The following DIABLO variants were observed in gnomAD, a reference collection of about 807,000 sequenced individuals.
DIABLO encodes the protein diablo IAP-binding mitochondrial protein.
In DIABLO, 32 loss-of-function variants were observed where a neutral mutation model predicts 31.7. The ratio of observed to expected loss-of-function variants is 1.01; its 90% confidence interval spans 0.76 to 1.35. DIABLO has a LOEUF of 1.35. DIABLO is among the 40% of genes most tolerant of loss of function. DIABLO has a pLI of 0.00. For missense variants in DIABLO, 316 were observed against 286.4 expected (o/e 1.10, Z -0.75); for synonymous variants, 132 against 103.2 (o/e 1.28, Z -1.69).
chr12:122,225,322 G>A (rs1457527706), intron 1 of DIABLO: 30 of 839,236 alleles, frequency 3.6e-5, no homozygotes, highest in Admixed American at 5.4e-5. Context: ...GGGAGGCACA[G>A]GTTGCAGTGA....
intron 5 of DIABLO, among the ~76,000 whole-genome samples, chr12:122,211,255 A>C (rs1954083156): frequency 6.6e-6 from 1 of 151,844 alleles, no homozygotes; most frequent in Admixed American, 6.6e-5. Context: ...AAAAAAGATT[A>C]ATCGGGCGTG....
Position 122,217,954 on chromosome 12 carries a change from G to A in DIABLO, c.315+312C>T, listed in dbSNP as rs578107507. On this transcript the variant is annotated intron_variant, in intron 3 of 5. Transcript: ENST00000464942. ...AGCTTCACTCCTGTTTTATATACTA[G>A]GCTGCCACATTTAAGATTTTTCTGT... Among the ~76,000 whole-genome samples the A allele has an allele frequency of 2.3e-3, 352 of 149,952 alleles. 1 individual carries two copies. Among genetic ancestry groups the A allele is most frequent in the African/African-American group, 8.2e-3 (331 of 40,398 alleles).
intron 2 of DIABLO, among the ~76,000 whole-genome samples, chr12:122,223,275 A>C (rs1954373713): frequency 6.6e-6 from 1 of 151,588 alleles, no homozygotes; most frequent in Non-Finnish European, 1.5e-5. Context: ...TCTCTACTAA[A>C]AATACAAAAA....
upstream of DIABLO, chr12:122,226,711 C>T: frequency 1.7e-6 from 1 of 581,828 alleles, no homozygotes; most frequent in Non-Finnish European, 3.0e-6. Flanking sequence ...CAACAGCCTC[C>T]TGGACGCTCG....
At chr12:122,214,373 T>C (rs1954158567) in intron 5 of DIABLO, among the ~76,000 whole-genome samples, 1 of 152,086 alleles carries the variant, frequency 6.6e-6, no homozygotes, top group Non-Finnish European at 1.5e-5. Context: ...GATTTGATGA[T>C]TGAGAACCCT....
At chr12:122,218,700 G>C (rs1025593460) in intron 2 of DIABLO, 1 of 367,682 alleles carries the variant, frequency 2.7e-6, no homozygotes, top group African/African-American at 2.1e-5. Flanking sequence ...CCAGCACTTT[G>C]GGAGGCTGAG....
chr12:122,212,258 A>G (rs1330927504), intron 5 of DIABLO, among the ~76,000 whole-genome samples: 5 of 152,166 alleles, frequency 3.3e-5, no homozygotes, highest in African/African-American at 1.2e-4. Flanking sequence ...TCTAATGTCA[A>G]TGTGCTTAGC....
At chr12:122,226,186 G>C, upstream of DIABLO, 1 of 1,047,960 alleles carries the variant, frequency 9.5e-7, no homozygotes, top group Non-Finnish European at 1.4e-6. Flanking sequence ...TAGGGCAAAG[G>C]CTGTAACGGC....
intron 5 of DIABLO, chr12:122,209,919 C>G (rs781592737): frequency 1.4e-5 from 9 of 651,490 alleles, no homozygotes; most frequent in Admixed American, 2.4e-5. Flanking sequence ...AAAATTATCT[C>G]TTCATAATTG....
rs115613666 is a variant in DIABLO, at chr12:122,209,295, G to A, written c.524-718C>T. ...GGAGAATAGCTTGGACCCGGGAGGC[G>A]AAGGCTGAAGTGAGCCAAGATCGTG... is the stretch of plus-strand genomic sequence containing the variant. On this transcript the variant is annotated intron_variant, in intron 5 of 5. Transcript: ENST00000464942. 2.2e-3 allele frequency among the ~76,000 whole-genome samples: 328 copies of A among 151,884 alleles called. 3 individuals are homozygous for A. The highest frequency in any genetic ancestry group is 7.7e-3 in the African/African-American group (319 of 41,268).
chr12:122,214,931 C>A (rs973746201), intron 5 of DIABLO, among the ~76,000 whole-genome samples: 2 of 151,722 alleles, frequency 1.3e-5, no homozygotes, highest in Admixed American at 6.6e-5. Flanking sequence ...CCTCAAGTGA[C>A]CCACCTCAAG....
chr12:122,211,683 A>G lies in DIABLO; in HGVS notation c.524-3106T>C, dbSNP rs140587866. On this transcript the variant is annotated intron_variant, in intron 5 of 5. Coordinates refer to ENST00000464942, the MANE Select transcript of DIABLO (RefSeq NM_001371333.1). Reference sequence around the variant, plus strand: ...GCAACAGAGCAAGACCCTGTCTCCAAAACAAATTCTGTTCTAATCCTTAAT... The same window carrying G: ...GCAACAGAGCAAGACCCTGTCTCCAGAACAAATTCTGTTCTAATCCTTAAT... Among the ~76,000 whole-genome samples, 4 of 152,330 alleles carry G rather than the reference A, an allele frequency of 2.6e-5. No individual in the cohort carries two copies. The East Asian group carries it at 7.7e-4, about 29-fold the overall frequency.
upstream of DIABLO, chr12:122,227,360 CAA>C (rs34545361): frequency 5.7e-3 from 2,587 of 453,672 alleles, 62 homozygotes; most frequent in African/African-American, 0.048. Flanking sequence ...ACTTACTTGG[CAA>C]AGTTTCCACG....
upstream of DIABLO, among the ~76,000 whole-genome samples, chr12:122,227,070 G>A (rs116497539): frequency 4.1e-3 from 617 of 152,342 alleles, 1 homozygote; most frequent in African/African-American, 0.014. Flanking sequence ...CAGCAGAGCT[G>A]GAGGATCTTT....
chr12:122,214,942 TG>T (rs1405836388), intron 5 of DIABLO, among the ~76,000 whole-genome samples: 1 of 152,152 alleles, frequency 6.6e-6, no homozygotes, highest in East Asian at 1.9e-4. Context: ...CCACCTCAAG[TG>T]ATCCGCCCTC....
At chr12:122,219,508 T>TTGAG (rs1168739711) in intron 2 of DIABLO, among the ~76,000 whole-genome samples, 1 of 152,022 alleles carries the variant, frequency 6.6e-6, no homozygotes, top group African/African-American at 2.4e-5. Context: ...CAGTTCTATG[T>TTGAG]TGAGTGCTAA....
Position 122,210,529 on chromosome 12 carries a change from T to C in DIABLO, c.524-1952A>G, listed in dbSNP as rs546990635. ...CTGGGACTACAGGTGCCCACCACCA[T>C]GCCTAATTTATTTATTTATTTTTTT... On this transcript the variant is annotated intron_variant, in intron 5 of 5. Coordinates refer to ENST00000464942, the MANE Select transcript of DIABLO (RefSeq NM_001371333.1). Among the ~76,000 whole-genome samples the C allele has an allele frequency of 1.8e-4, 27 of 151,912 alleles. No homozygotes were observed. The East Asian group carries it at 3.1e-3, about 17-fold the overall frequency.
At chr12:122,209,659 C>G in intron 5 of DIABLO, 1 of 680,896 alleles carries the variant, frequency 1.5e-6, no homozygotes, top group African/African-American at 1.8e-5. Context: ...TGAAACTCGT[C>G]TCCCCCCCAA....
At position 122,208,236 on chromosome 12, in the gene DIABLO, C is replaced by T. The variant is rs756371055; in HGVS notation, c.*145G>A. On this transcript the variant is annotated 3_prime_UTR_variant, in exon 6 of 6. Transcript: ENST00000464942. The stretch of plus-strand genomic sequence containing the variant: ...CTGAGACCACAGGAGGCACTCACAG[C>T]TCACAAAGGCGTCTCGCCTGATTGG... 8.5e-6 allele frequency: 8 copies of T among 941,316 alleles called. No individual in the cohort carries two copies. The highest frequency in any genetic ancestry group is 1.3e-5 in the Non-Finnish European group (8 of 603,684). 58.3% of individuals were successfully genotyped at this position (941,316 alleles called of 1,614,324 possible).
Sources: gnomAD v4.1 joint callset for allele counts (sites outside exome capture counted in the v4.1 genomes callset) on GRCh38, gnomAD v4.1.1 for gene constraint, MANE v1.5 for transcripts, NCBI Gene and HGNC (gene_info 2026-07-23, HGNC 2026-07-21) for gene names.